MAX: variants seen among roughly 807,000 people sequenced by gnomAD.
MAX encodes MYC associated transcriptional regulator X, also known as protein max.
A neutral mutation model predicts 22.3 loss-of-function variants in MAX; 3 were observed. The observed-to-expected ratio is 0.13, with a 90% confidence interval of 0.06 to 0.35. MAX has a LOEUF of 0.35. Among genes scored for constraint, MAX ranks in the 10% least tolerant of loss-of-function variants. MAX has a pLI of 1.00. For synonymous variants in MAX, 72 were observed against 77.7 expected (o/e 0.93, Z 0.39); for missense variants, 119 against 209.4 (o/e 0.57, Z 2.66).
intron 3 of MAX, among the ~76,000 whole-genome samples, chr14:65,013,864 A>C (rs2061725323): frequency 6.6e-6 from 1 of 152,174 alleles, no homozygotes; most frequent in Non-Finnish European, 1.5e-5. Flanking sequence ...TCTTATTTAA[A>C]TCTTGTAACT....
intron 3 of MAX, among the ~76,000 whole-genome samples, chr14:65,022,648 C>T (rs996321674): frequency 2.7e-4 from 41 of 150,478 alleles, no homozygotes; most frequent in Admixed American, 2.4e-3. Flanking sequence ...ATTACAGGCA[C>T]GAGCCACCAC....
chr14:65,044,618 A>C lies in MAX; in HGVS notation c.172-38334T>G. On this transcript the variant is annotated intron_variant, in intron 3 of 3. Coordinates refer to the MAX transcript ENST00000341653. This position sits in a 1 kb window ranked among gnomAD's most constrained non-coding sequence, Gnocchi z 5.5. The stretch of plus-strand genomic sequence containing the variant: ...GGCATGCGAATGCAGAGTAAGATTT[A>C]GTTTCATTGGTTTAGTGTCATTCTT... 2 of 954,740 alleles carry C rather than the reference A, an allele frequency of 2.1e-6. No homozygotes were observed. Among genetic ancestry groups the C allele is most frequent in the Non-Finnish European group, 2.9e-6 (2 of 684,826 alleles). The allele number at this position is 954,740 out of a possible 1,614,324, so 59.1% of individuals were successfully genotyped here. A position where few individuals can be genotyped will look rare whatever the true frequency, so the allele number is the denominator to read the frequency against.
intron 2 of MAX, among the ~76,000 whole-genome samples, chr14:65,100,269 G>C (rs1341100859): frequency 6.6e-6 from 1 of 152,086 alleles, no homozygotes; most frequent in Non-Finnish European, 1.5e-5. Context: ...GGCCAACATG[G>C]TGAAACCCCG....
intron 1 of MAX, chr14:65,101,789 G>A (rs978383499): frequency 1.7e-6 from 1 of 578,884 alleles, no homozygotes; most frequent in East Asian, 2.9e-5. Context: ...CCCTCCTTCC[G>A]GGATCCGACC....
intron 3 of MAX, among the ~76,000 whole-genome samples, chr14:65,058,368 T>G (rs2062789627): frequency 6.6e-6 from 1 of 152,128 alleles, no homozygotes; most frequent in African/African-American, 2.4e-5. Context: ...TGTATAGAAA[T>G]GCTAATAATA....
intron 3 of MAX, among the ~76,000 whole-genome samples, chr14:65,060,202 AAAG>A (rs200835204): frequency 0.01 from 1,571 of 152,316 alleles, 11 homozygotes; most frequent in South Asian, 0.017. Flanking sequence ...AAAATATAAA[AAAG>A]AAAATGAAAA....
chr14:65,037,414 T>G (rs1206924983), intron 3 of MAX, among the ~76,000 whole-genome samples: 1 of 90,288 alleles, frequency 1.1e-5, no homozygotes, highest in African/African-American at 5.1e-5. Context: ...TTTTTTTTTT[T>G]TTTTTTTTTT....
chr14:65,006,404 T>C, intron 3 of MAX: 1 of 1,452,112 alleles, frequency 6.9e-7, no homozygotes, highest in Non-Finnish European at 9.3e-7. Context: ...ATTCCTCTTG[T>C]CATGAGATAC....
intron 3 of MAX, among the ~76,000 whole-genome samples, chr14:65,036,670 C>A (rs1361967072): frequency 2.0e-5 from 3 of 151,948 alleles, no homozygotes; most frequent in Admixed American, 2.0e-4. Flanking sequence ...TATCCCCATC[C>A]TGTCCTTCTT....
At chr14:65,099,778 A>G (rs2063780339) in intron 2 of MAX, among the ~76,000 whole-genome samples, 2 of 152,236 alleles carry the variant, frequency 1.3e-5, no homozygotes, top group South Asian at 4.1e-4. Context: ...TCAATTTTCA[A>G]ATATATGCAT....
chr14:65,099,082 A>G (rs2063752289), intron 2 of MAX, among the ~76,000 whole-genome samples: 1 of 152,134 alleles, frequency 6.6e-6, no homozygotes, highest in Admixed American at 6.5e-5. Flanking sequence ...CTCCCTCTTA[A>G]ATTTTAAAAA....
intron 3 of MAX, among the ~76,000 whole-genome samples, chr14:65,051,885 C>T (rs1291463698): frequency 6.6e-6 from 1 of 151,146 alleles, no homozygotes; most frequent in African/African-American, 2.4e-5. Flanking sequence ...AACTCCGCCT[C>T]CTGGGTTCAC....
At chr14:65,035,794 A>G (rs895270378) in intron 3 of MAX, among the ~76,000 whole-genome samples, 3 of 151,778 alleles carry the variant, frequency 2.0e-5, no homozygotes, top group African/African-American at 4.8e-5. Flanking sequence ...TTGACCTACC[A>G]AAGTTCAAGG....
intron 3 of MAX, among the ~76,000 whole-genome samples, chr14:65,025,950 A>C (rs1265435795): frequency 6.6e-6 from 1 of 152,266 alleles, no homozygotes; most frequent in Admixed American, 6.5e-5. Flanking sequence ...CAGAACTCAC[A>C]GAGCAAGGCA....
chr14:65,093,555 G>T lies in MAX; in HGVS notation c.171+153C>A, dbSNP rs1264833301. The T allele has an allele frequency of 2.9e-6, 2 of 687,866 alleles. No individual in the cohort carries two copies. The highest frequency in any genetic ancestry group is 2.7e-5 in the East Asian group (1 of 36,922). 42.6% of individuals were successfully genotyped at this position (687,866 alleles called of 1,614,324 possible). A position where few individuals can be genotyped will look rare whatever the true frequency, so the allele number is the denominator to read the frequency against. Reference sequence around the variant, plus strand: ...GGATAAACTGGAGTACGTAAGGTGTGCAGTGATCCTCCAAACAGTCAAAAA... The same window carrying T: ...GGATAAACTGGAGTACGTAAGGTGTTCAGTGATCCTCCAAACAGTCAAAAA... On this transcript the variant is annotated intron_variant, in intron 3 of 4. Transcript: ENST00000358664. This position sits in a 1 kb window ranked among gnomAD's most constrained non-coding sequence, Gnocchi z 4.4.
intron 3 of MAX, among the ~76,000 whole-genome samples, chr14:65,053,626 T>TAA (rs201689378): frequency 7.6e-5 from 11 of 144,362 alleles, no homozygotes; most frequent in Non-Finnish European, 9.0e-5. Flanking sequence ...TTCTTTTTTT[T>TAA]AAAAAAAACA....
chr14:65,040,697 G>T, intron 3 of MAX: 2 of 1,331,814 alleles, frequency 1.5e-6, no homozygotes, highest in Admixed American at 2.4e-5. Context: ...ACCTTAATCT[G>T]AGTGAACTTT....
At chr14:65,080,389 G>A (rs1255051100) in intron 3 of MAX, among the ~76,000 whole-genome samples, 1 of 152,196 alleles carries the variant, frequency 6.6e-6, no homozygotes, top group Non-Finnish European at 1.5e-5. Context: ...TTTATTAGGT[G>A]ACAAAATGGG....
Position 65,088,143 on chromosome 14 carries a change from CAGTCTCAGGT to C in MAX, c.171+5555_171+5564del, listed in dbSNP as rs2139830927. Among the ~76,000 whole-genome samples, 1 of 152,224 alleles carries C rather than the reference CAGTCTCAGGT, an allele frequency of 6.6e-6. No homozygotes were observed. Among genetic ancestry groups the C allele is most frequent in the Admixed American group, 6.5e-5 (1 of 15,294 alleles). On this transcript the variant is annotated intron_variant, in intron 3 of 4. Coordinates refer to ENST00000358664, the MANE Select transcript of MAX (RefSeq NM_002382.5). This position sits in a 1 kb window ranked among gnomAD's most constrained non-coding sequence, Gnocchi z 5.2. ...AAACCTCCTTCTTTTGTAAATTGCC[CAGTCTCAGGT>C]ATGTCTTTATCAGCAGCACGAAAAC...
Sources: gnomAD v4.1 joint callset for allele counts (sites outside exome capture counted in the v4.1 genomes callset) on GRCh38, gnomAD v4.1.1 for gene constraint, Gnocchi (gnomAD v3.1) non-coding constraint, MANE v1.5 for transcripts, NCBI Gene and HGNC (gene_info 2026-07-23, HGNC 2026-07-21) for gene names.